CAST: variants seen among roughly 807,000 people sequenced by gnomAD.
CAST encodes MIR583 host.
CAST carries 76 observed loss-of-function variants against 119.6 expected under a neutral mutation model. The observed-to-expected ratio is 0.64, with a 90% CI of 0.53 to 0.77. The LOEUF (loss-of-function observed/expected upper bound fraction) is 0.77, where lower values mean the gene tolerates loss of function less well. Among genes scored for constraint, CAST ranks in the 30% least tolerant of loss-of-function variants. CAST has a pLI of 0.00. For synonymous variants in CAST, 319 were observed against 331.6 expected, an observed-to-expected ratio of 0.96 and a Z score of 0.41; for missense variants, 953 against 946.5, an observed-to-expected ratio of 1.01 and a Z score of -0.09.
chr5:96,045,291 C>T, the CAST span, among the ~76,000 whole-genome samples: 10 of 150,098 alleles, frequency 6.7e-5, no homozygotes, highest in East Asian at 7.9e-4. Flanking sequence ...AGGCGGAGGT[C>T]GCAGTGAGCT....
intron 1 of CAST, among the ~76,000 whole-genome samples, chr5:96,637,251 A>G (rs1397322352): frequency 6.6e-6 from 1 of 152,220 alleles, no homozygotes; most frequent in Non-Finnish European, 1.5e-5. Context: ...TTTTGTAGCA[A>G]CCATATAAGG....
chr5:96,703,278 G>A (rs1212435287), intron 3 of CAST, among the ~76,000 whole-genome samples: 1 of 152,142 alleles, frequency 6.6e-6, no homozygotes, highest in Non-Finnish European at 1.5e-5. Context: ...CAGCAGCTAT[G>A]TCAGTTTGGT....
chr5:96,114,690 G>A, the CAST span, among the ~76,000 whole-genome samples: 3 of 152,270 alleles, frequency 2.0e-5, no homozygotes, highest in South Asian at 6.2e-4. Context: ...ACCCACTGAA[G>A]CAGCAGGCCA....
chr5:96,382,346 G>A, the CAST span, among the ~76,000 whole-genome samples: 1 of 152,064 alleles, frequency 6.6e-6, no homozygotes, highest in Non-Finnish European at 1.5e-5. Context: ...CTGTAAAGTG[G>A]GGGATAATAA....
chr5:96,478,936 A>G, the CAST span, among the ~76,000 whole-genome samples: 5 of 152,366 alleles, frequency 3.3e-5, no homozygotes, highest in South Asian at 4.1e-4. Context: ...GATAGACTCA[A>G]TTGAACACAT....
the CAST span, among the ~76,000 whole-genome samples, chr5:95,967,176 C>T: frequency 6.6e-6 from 1 of 152,038 alleles, no homozygotes; most frequent in Non-Finnish European, 1.5e-5. Context: ...GTTTGTTTAG[C>T]CTTTCACTTT....
At chr5:96,059,761 A>G in the CAST span, among the ~76,000 whole-genome samples, 2 of 152,116 alleles carry the variant, frequency 1.3e-5, no homozygotes, top group African/African-American at 2.4e-5. Context: ...CGACCTCCAC[A>G]TTGGTTCTTG....
chr5:96,173,630 G>A, the CAST span, among the ~76,000 whole-genome samples: 5 of 152,130 alleles, frequency 3.3e-5, no homozygotes, highest in Admixed American at 2.6e-4. Context: ...ACATTATATC[G>A]AGGTTTTCTT....
At chr5:96,692,822 A>G (rs1170055805) in intron 2 of CAST, among the ~76,000 whole-genome samples, 1 of 152,134 alleles carries the variant, frequency 6.6e-6, no homozygotes, top group East Asian at 1.9e-4. Flanking sequence ...GAGTCTTTCT[A>G]CTGGAATGTA....
At chr5:95,984,588 C>T in the CAST span, among the ~76,000 whole-genome samples, 1 of 152,198 alleles carries the variant, frequency 6.6e-6, no homozygotes, top group Admixed American at 6.5e-5. Flanking sequence ...GTAGATTCTA[C>T]ACTTTGTTGC....
the CAST span, among the ~76,000 whole-genome samples, chr5:96,286,375 G>A: frequency 6.6e-6 from 1 of 152,088 alleles, no homozygotes; most frequent in Non-Finnish European, 1.5e-5. Context: ...AGAAGAGGTC[G>A]ATGGATGGAA....
Position 96,664,299 on chromosome 5 carries a change from G to T in CAST, c.75+1802G>T, listed in dbSNP as rs569763586. Among the ~76,000 whole-genome samples, 244 of 151,374 alleles carry T rather than the reference G, an allele frequency of 1.6e-3. 1 individual carries two copies. Among genetic ancestry groups the T allele is most frequent in the African/African-American group, 5.7e-3 (232 of 40,984 alleles). ...GTATGTGTGTATATTTACAGTGTGTGTGCATATATATATTTACACATATAT... is the reference window on the plus strand; with the variant it reads ...GTATGTGTGTATATTTACAGTGTGTTTGCATATATATATTTACACATATAT... On this transcript the variant is annotated intron_variant, in intron 1 of 31. Coordinates refer to ENST00000675179, the MANE Select transcript of CAST (RefSeq NM_001750.7).
the CAST span, among the ~76,000 whole-genome samples, chr5:96,084,081 A>T: frequency 1.1e-4 from 17 of 152,356 alleles, no homozygotes; most frequent in South Asian, 3.5e-3. Flanking sequence ...TAAATAAAAC[A>T]TTATAATTAG....
chr5:96,191,178 T>C, the CAST span, among the ~76,000 whole-genome samples: 1 of 152,212 alleles, frequency 6.6e-6, no homozygotes, highest in African/African-American at 2.4e-5. Flanking sequence ...TTTTAGCATG[T>C]GCTAAAGGAA....
the CAST span, among the ~76,000 whole-genome samples, chr5:96,024,043 A>G: frequency 6.6e-6 from 1 of 152,366 alleles, no homozygotes; most frequent in Admixed American, 6.5e-5. Flanking sequence ...AGTTATCATC[A>G]TCCAATGGAG....
At chr5:96,234,565 C>T in the CAST span, among the ~76,000 whole-genome samples, 4 of 152,112 alleles carry the variant, frequency 2.6e-5, no homozygotes, top group African/African-American at 7.2e-5. Context: ...CATGAAGGAC[C>T]GAGTTTCCTT....
At chr5:96,415,218 T>G in the CAST span, among the ~76,000 whole-genome samples, 1 of 152,148 alleles carries the variant, frequency 6.6e-6, no homozygotes, top group Non-Finnish European at 1.5e-5. Flanking sequence ...GTCTTCCCAT[T>G]GGGTTCAGCC....
At chr5:96,268,367 G>T in the CAST span, among the ~76,000 whole-genome samples, 1 of 152,146 alleles carries the variant, frequency 6.6e-6, no homozygotes, top group African/African-American at 2.4e-5. Context: ...GAGGCAAGAA[G>T]TTCGGGCCCA....
the CAST span, among the ~76,000 whole-genome samples, chr5:96,371,794 C>G: frequency 1.3e-5 from 2 of 152,016 alleles, no homozygotes; most frequent in African/African-American, 4.8e-5. Context: ...GATTTACAGG[C>G]TGAAAATGGG....
Sources: allele counts gnomAD v4.1 joint callset (sites outside exome capture counted in the v4.1 genomes callset), GRCh38; gene constraint gnomAD v4.1.1; transcripts MANE v1.5; gene names NCBI Gene and HGNC (gene_info 2026-07-23, HGNC 2026-07-21).